SLC6A11: variants seen among roughly 807,000 people sequenced by gnomAD.
SLC6A11 encodes the protein solute carrier family 6 member 11, also known as sodium- and chloride-dependent GABA transporter 3.
A neutral mutation model predicts 74.8 loss-of-function variants in SLC6A11; 25 were observed. The observed-to-expected ratio is 0.33, with a 90% CI of 0.24 to 0.47. SLC6A11 has a LOEUF of 0.47. Among genes scored for constraint, SLC6A11 ranks in the 20% least tolerant of loss-of-function variants. The pLI, the probability that SLC6A11 is intolerant of heterozygous loss-of-function variation, is 1.00. For synonymous variants in SLC6A11, 330 were observed against 330.2 expected, an observed-to-expected ratio of 1.00 and a Z score of 0.01; for missense variants, 574 against 837.0, an observed-to-expected ratio of 0.69 and a Z score of 3.88.
intron 4 of SLC6A11, chr3:10,824,865 A>G (rs908153619): frequency 1.3e-5 from 2 of 152,204 alleles, no homozygotes; most frequent in Non-Finnish European, 2.9e-5. Flanking sequence ...CAGTTTTATC[A>G]TATAACGTAA....
intron 5 of SLC6A11, among the ~76,000 whole-genome samples, chr3:10,849,354 T>G (rs888837893): frequency 2.2e-4 from 34 of 152,222 alleles, no homozygotes; most frequent in African/African-American, 7.7e-4. Flanking sequence ...GATTTTCCTA[T>G]GTCATTGTTT....
At chr3:10,922,751 C>A (rs753337596) in intron 8 of SLC6A11, among the ~76,000 whole-genome samples, 1 of 151,998 alleles carries the variant, frequency 6.6e-6, no homozygotes, top group Non-Finnish European at 1.5e-5. Context: ...CAAACAGTAA[C>A]AAATGAACCT....
In SLC6A11 at chr3:10,827,216, C is replaced by A. The variant is rs985287276; in HGVS notation, c.623+3824C>A. On this transcript the variant is annotated intron_variant, in intron 4 of 13. Transcript: ENST00000254488. Reference sequence around the variant, plus strand: ...AAGCTATGTCCTTCAGTGAGAATATCCATTTACCTTTGCTGAACCCAAATT... The same window carrying A: ...AAGCTATGTCCTTCAGTGAGAATATACATTTACCTTTGCTGAACCCAAATT... Among the ~76,000 whole-genome samples, 3 of 152,182 alleles carry A rather than the reference C, an allele frequency of 2.0e-5. No individual in the cohort carries two copies. In the East Asian group the frequency reaches 5.8e-4, roughly 29 times the overall value.
At chr3:10,872,919 C>G (rs1388567157) in intron 5 of SLC6A11, among the ~76,000 whole-genome samples, 1 of 152,210 alleles carries the variant, frequency 6.6e-6, no homozygotes, top group East Asian at 1.9e-4. Flanking sequence ...CTCAGATTCT[C>G]AGAAGTGTCC....
Position 10,869,376 on chromosome 3 carries a change from C to G in SLC6A11, c.757-5585C>G, listed in dbSNP as rs150841884. ...TAGCGAGACAGACATTTTAAATGGA[C>G]CACTCTGAGCCTCGTCTTCCAGACC... On this transcript the variant is annotated intron_variant, in intron 5 of 13. Transcript: ENST00000254488. Among the ~76,000 whole-genome samples the G allele has an allele frequency of 2.0e-3, 297 of 152,290 alleles. 2 individuals carry two copies. The highest frequency in any genetic ancestry group is 6.8e-3 in the African/African-American group (283 of 41,552).
chr3:10,818,629 A>AT (rs1694095838), intron 1 of SLC6A11, among the ~76,000 whole-genome samples: 1 of 152,222 alleles, frequency 6.6e-6, no homozygotes, highest in Non-Finnish European at 1.5e-5. Context: ...AAGCACTTTC[A>AT]GTTAAAGCCG....
intron 4 of SLC6A11, among the ~76,000 whole-genome samples, chr3:10,830,223 C>T (rs553432013): frequency 9.2e-5 from 14 of 152,054 alleles, no homozygotes; most frequent in East Asian, 1.9e-4. Flanking sequence ...GAAGTTCATG[C>T]GGTTGGCCAT....
intron 4 of SLC6A11, chr3:10,824,278 G>A (rs1399229604): frequency 6.6e-6 from 1 of 152,200 alleles, no homozygotes; most frequent in Non-Finnish European, 1.5e-5. Flanking sequence ...TCCTGTATGG[G>A]TCAAAGGCTG....
chr3:10,880,120 C>T (rs533649145), intron 6 of SLC6A11, among the ~76,000 whole-genome samples: 1 of 152,246 alleles, frequency 6.6e-6, no homozygotes, highest in South Asian at 2.1e-4. Flanking sequence ...TCCATAGCCA[C>T]ATGGTCACCC....
chr3:10,938,393 G>A lies in SLC6A11; in HGVS notation c.1890G>A (p.Thr630=), dbSNP rs770168883. 30 of 1,593,420 alleles carry A rather than the reference G, an allele frequency of 1.9e-5. No individual in the cohort carries two copies. The highest frequency in any genetic ancestry group is 2.1e-5 in the Non-Finnish European group (25 of 1,165,026). ...GTIAAITEKE[T]HF ...TCGCAGCCATCACAGAGAAGGAGAC[G>A]CACTTCTGAGCGGCCACCAGCCATC... The change falls in exon 14 of 14, where the codon ACG becomes ACA. Residue 630 remains threonine (T), a synonymous_variant. Coordinates refer to ENST00000254488, the MANE Select transcript of SLC6A11 (RefSeq NM_014229.3).
chr3:10,839,002 T>G (rs1208197011), intron 4 of SLC6A11, among the ~76,000 whole-genome samples: 2 of 152,128 alleles, frequency 1.3e-5, no homozygotes, highest in African/African-American at 4.8e-5. Flanking sequence ...GTTCCCCCAC[T>G]CCTTCCCTCC....
At position 10,938,476 on chromosome 3, in the gene SLC6A11, CT is replaced by C. The variant is rs1695785204; in HGVS notation, c.*76del. On this transcript the variant is annotated 3_prime_UTR_variant, in exon 14 of 14. Transcript: ENST00000254488. Reference sequence around the variant, plus strand: ...TGTAAATGAATTCCTGAACCCCATACTTCACCTAATGGTAGGGGCTTGCTTG... The same window carrying C: ...TGTAAATGAATTCCTGAACCCCATACTCACCTAATGGTAGGGGCTTGCTTG... 8 of 1,449,474 alleles carry C rather than the reference CT, an allele frequency of 5.5e-6. No individual in the cohort carries two copies. Among genetic ancestry groups the C allele is most frequent in the Non-Finnish European group, 7.5e-6 (8 of 1,070,852 alleles). The allele number at this position is 1,449,474 out of a possible 1,614,324, so 89.8% of individuals were successfully genotyped here.
chr3:10,898,314 G>A (rs1197294473), intron 6 of SLC6A11, among the ~76,000 whole-genome samples: 2 of 152,176 alleles, frequency 1.3e-5, no homozygotes, highest in African/African-American at 4.8e-5. Flanking sequence ...TCAGAAAATG[G>A]GTTTTTCTTT....
chr3:10,861,227 A>T (rs1221657424), intron 5 of SLC6A11, among the ~76,000 whole-genome samples: 3 of 152,230 alleles, frequency 2.0e-5, no homozygotes, highest in African/African-American at 7.2e-5. Context: ...GAAAGAATGC[A>T]TGAAGAGGCC....
intron 9 of SLC6A11, among the ~76,000 whole-genome samples, chr3:10,928,500 T>C (rs751648509): frequency 6.6e-5 from 10 of 152,098 alleles, no homozygotes; most frequent in Admixed American, 6.5e-4. Flanking sequence ...AGGCTGGCTG[T>C]TAATGGGTGG....
At chr3:10,876,739 C>CCCCA in intron 6 of SLC6A11, among the ~76,000 whole-genome samples, 1 of 43,432 alleles carries the variant, frequency 2.3e-5, no homozygotes, top group Non-Finnish European at 6.1e-5. Flanking sequence ...AACGCCCCGC[C>CCCCA]CCCCCCCCCC....
intron 10 of SLC6A11, among the ~76,000 whole-genome samples, chr3:10,931,327 G>A (rs1449631023): frequency 6.6e-6 from 1 of 152,078 alleles, no homozygotes; most frequent in Non-Finnish European, 1.5e-5. Flanking sequence ...GCTACTTGCT[G>A]AATGCTGCAT....
At chr3:10,838,207 T>C (rs1694391488) in intron 4 of SLC6A11, among the ~76,000 whole-genome samples, 1 of 152,188 alleles carries the variant, frequency 6.6e-6, no homozygotes, top group Non-Finnish European at 1.5e-5. Context: ...CTGCTCCAGC[T>C]CTGCTCTCTG....
chr3:10,893,687 G>A (rs1382835958), intron 6 of SLC6A11, among the ~76,000 whole-genome samples: 2 of 152,164 alleles, frequency 1.3e-5, no homozygotes, highest in African/African-American at 4.8e-5. Context: ...AGTTCCCACT[G>A]TGGGACGAGA....
Sources: allele counts gnomAD v4.1 joint callset (sites outside exome capture counted in the v4.1 genomes callset), GRCh38; gene constraint gnomAD v4.1.1; transcripts MANE v1.5; gene names NCBI Gene and HGNC (gene_info 2026-07-23, HGNC 2026-07-21).